The following WWC2 variants were observed in gnomAD, a reference collection of about 807,000 sequenced individuals.
WWC2 encodes WW and C2 domain containing 2.
In WWC2, 101 loss-of-function variants were observed where a neutral mutation model predicts 138.5. The observed-to-expected ratio is 0.73, with a 90% CI of 0.62 to 0.86. WWC2 has a LOEUF of 0.86. WWC2 is among the 40% of genes least tolerant of loss of function. The probability of loss-of-function intolerance (pLI) is 0.00; values close to 1 mark genes in which losing one functional copy is unlikely to be tolerated. For missense variants in WWC2, 1,420 were observed against 1,419.4 expected (o/e 1.00, Z -0.01); for synonymous variants, 558 against 538.4 (o/e 1.04, Z -0.50).
chr4:183,217,293 G>A (rs529314343), intron 4 of WWC2, among the ~76,000 whole-genome samples: 1 of 152,212 alleles, frequency 6.6e-6, no homozygotes, highest in East Asian at 1.9e-4. Context: ...AGGGCATCAG[G>A]AAACCTTTGG....
chr4:183,282,177 T>A (rs1261719859), intron 17 of WWC2, among the ~76,000 whole-genome samples: 1 of 152,194 alleles, frequency 6.6e-6, no homozygotes, highest in African/African-American at 2.4e-5. Context: ...CTTATACCAC[T>A]TATAATGCCA....
At chr4:183,107,224 C>T (rs1368821958) in intron 1 of WWC2, among the ~76,000 whole-genome samples, 5 of 151,972 alleles carry the variant, frequency 3.3e-5, no homozygotes, top group Non-Finnish European at 7.4e-5. Context: ...GTGGTGATCT[C>T]GGCTCACTGC....
chr4:183,228,040 T>C (rs1158984502), intron 4 of WWC2, among the ~76,000 whole-genome samples: 1 of 152,000 alleles, frequency 6.6e-6, no homozygotes, highest in Non-Finnish European at 1.5e-5. Context: ...AGACTGGATT[T>C]GGAAAGAAAA....
Position 183,319,539 on chromosome 4 carries a change from C to T in WWC2, c.*3810C>T, listed in dbSNP as rs540564854. 1.5e-4 allele frequency: 237 copies of T among 1,595,460 alleles called. No individual in the cohort carries two copies. The highest frequency in any genetic ancestry group is 6.3e-4 in the South Asian group (55 of 87,196). ...GAGCAAGCGTCTCCTGAACAGCAGA[C>T]GCTTGTCCTTTCTGGCTTAGTGTTT... On this transcript the variant is annotated 3_prime_UTR_variant, in exon 23 of 23. Coordinates refer to ENST00000403733, the MANE Select transcript of WWC2 (RefSeq NM_024949.6).
chr4:183,264,636 C>A (rs1737433446), intron 11 of WWC2, among the ~76,000 whole-genome samples: 1 of 152,168 alleles, frequency 6.6e-6, no homozygotes, highest in Admixed American at 6.5e-5. Flanking sequence ...GGAGATAGAT[C>A]ATTTCCTATT....
At chr4:183,212,014 G>A (rs1735611867) in intron 4 of WWC2, among the ~76,000 whole-genome samples, 1 of 151,900 alleles carries the variant, frequency 6.6e-6, no homozygotes, top group African/African-American at 2.4e-5. Context: ...GTAGAGATGG[G>A]GTTTCGCCAT....
intron 21 of WWC2, among the ~76,000 whole-genome samples, chr4:183,307,505 T>G (rs1319956394): frequency 1.3e-5 from 2 of 152,210 alleles, no homozygotes; most frequent in Admixed American, 1.3e-4. Flanking sequence ...ACTACAGCCC[T>G]ATATCTCTTG....
intron 18 of WWC2, 65 bp from the exon 19 acceptor site, chr4:183,284,161 A>T: frequency 6.4e-7 from 1 of 1,569,768 alleles, no homozygotes. Flanking sequence ...TTTCTTTCTT[A>T]GAAGAAAGGA....
chr4:183,265,240 G>C lies in WWC2; in HGVS notation c.2039+133G>C, dbSNP rs377272469. 353 of 1,272,674 alleles carry C rather than the reference G, an allele frequency of 2.8e-4. 2 individuals are homozygous for C. In the African/African-American group the frequency reaches 5.0e-3, roughly 18 times the overall value. The allele number at this position is 1,272,674 out of a possible 1,614,324, so 78.8% of individuals were successfully genotyped here. ...TAAGGACTTTAGCCGTTAAAGAAGTGGTGTGCCTGAAAAGTTCAGTATATC... is the reference window on the plus strand; with the variant it reads ...TAAGGACTTTAGCCGTTAAAGAAGTCGTGTGCCTGAAAAGTTCAGTATATC... On this transcript the variant is annotated intron_variant, in intron 12 of 22. Coordinates refer to ENST00000403733, the MANE Select transcript of WWC2 (RefSeq NM_024949.6).
chr4:183,278,235 A>G (rs1024724393), intron 16 of WWC2, among the ~76,000 whole-genome samples: 12 of 152,126 alleles, frequency 7.9e-5, no homozygotes, highest in African/African-American at 2.9e-4. Flanking sequence ...TAAATAGGGA[A>G]TCCTTTCCCC....
At chr4:183,299,062 T>A (rs964786542) in intron 21 of WWC2, among the ~76,000 whole-genome samples, 1 of 152,052 alleles carries the variant, frequency 6.6e-6, no homozygotes, top group Non-Finnish European at 1.5e-5. Context: ...TAAAGAAAAA[T>A]TTATTTCTCA....
intron 6 of WWC2, among the ~76,000 whole-genome samples, chr4:183,248,076 G>A (rs1027610011): frequency 3.3e-5 from 5 of 151,936 alleles, no homozygotes; most frequent in Non-Finnish European, 7.4e-5. Flanking sequence ...AAACCTGAGT[G>A]CCCACAGCAG....
chr4:183,303,232 G>C (rs1315128708), intron 21 of WWC2, among the ~76,000 whole-genome samples: 1 of 152,074 alleles, frequency 6.6e-6, no homozygotes, highest in African/African-American at 2.4e-5. Flanking sequence ...CCTTTTGTAA[G>C]ACAGCGTTGC....
chr4:183,262,341 T>A (rs1737353909), intron 11 of WWC2, among the ~76,000 whole-genome samples: 1 of 152,232 alleles, frequency 6.6e-6, no homozygotes, highest in African/African-American at 2.4e-5. Context: ...GCCCCAGTGC[T>A]CATCTACAGC....
chr4:183,309,807 G>A (rs1174953466), intron 21 of WWC2, among the ~76,000 whole-genome samples: 2 of 152,240 alleles, frequency 1.3e-5, no homozygotes, highest in African/African-American at 2.4e-5. Flanking sequence ...AAACTTGAAA[G>A]CAGTCAAGAT....
Position 183,319,477 on chromosome 4 carries a change from G to A in WWC2, c.*3748G>A, listed in dbSNP as rs1390232914. The stretch of plus-strand genomic sequence containing the variant: ...TTTTCAAAAATCAAAAGCACAGTGA[G>A]ATGACTAGAGCGGGACATCCTACCA... On this transcript the variant is annotated 3_prime_UTR_variant, in exon 23 of 23. Transcript: ENST00000403733. 1.5e-6 allele frequency: 2 copies of A among 1,376,790 alleles called. No individual in the cohort carries two copies. Among genetic ancestry groups the A allele is most frequent in the East Asian group, 4.6e-5 (2 of 43,354 alleles). 85.3% of individuals were successfully genotyped at this position (1,376,790 alleles called of 1,614,324 possible).
At chr4:183,274,863 A>G (rs942316015) in intron 16 of WWC2, among the ~76,000 whole-genome samples, 16 of 152,182 alleles carry the variant, frequency 1.1e-4, no homozygotes, top group Admixed American at 3.9e-4. Context: ...TTATATAATG[A>G]TCAAATCAGG....
At chr4:183,266,062 C>A in intron 14 of WWC2, 111 bp downstream of exon 14, 1 of 964,942 alleles carries the variant, frequency 1.0e-6, no homozygotes, top group Non-Finnish European at 1.5e-6. Flanking sequence ...AAAGACATAG[C>A]AGGGCTGATC....
chr4:183,197,781 T>G lies in WWC2; in HGVS notation c.241+4073T>G, dbSNP rs146173550. Among the ~76,000 whole-genome samples the G allele has an allele frequency of 3.9e-5, 6 of 152,336 alleles. No individual in the cohort carries two copies. The East Asian group carries it at 1.2e-3, about 29-fold the overall frequency. On this transcript the variant is annotated intron_variant, in intron 2 of 22. Transcript: ENST00000403733. ...AAGGTTTCATTTACATACACAAAAA[T>G]GCACTGATTTTAAGCGTGTATTTTG...
Sources: gnomAD v4.1 joint callset for allele counts (sites outside exome capture counted in the v4.1 genomes callset) on GRCh38, gnomAD v4.1.1 for gene constraint, MANE v1.5 for transcripts, NCBI Gene and HGNC (gene_info 2026-07-23, HGNC 2026-07-21) for gene names.